CPM: variants seen among roughly 807,000 people sequenced by gnomAD.
CPM encodes the protein carboxypeptidase M.
Under a neutral mutation model 46.4 loss-of-function variants are expected in CPM, and 35 were observed. The ratio of observed to expected loss-of-function variants is 0.75; its 90% CI spans 0.58 to 1.00. The LOEUF is 1.00. CPM is among the 50% of genes least tolerant of loss of function. The probability of loss-of-function intolerance (pLI) is 0.00; values close to 1 mark genes in which losing one functional copy is unlikely to be tolerated. For missense variants in CPM, 422 were observed against 530.4 expected, an observed-to-expected ratio of 0.80 and a Z score of 2.01; for synonymous variants, 195 against 195.3, an observed-to-expected ratio of 1.00 and a Z score of 0.01.
intron 2 of CPM, among the ~76,000 whole-genome samples, chr12:68,922,377 C>T (rs1249230272): frequency 7.2e-5 from 11 of 152,128 alleles, no homozygotes; most frequent in Admixed American, 6.5e-5. Flanking sequence ...CTAGTTTTCA[C>T]GGATTTGCAT....
chr12:68,905,263 G>C (rs1173803865), intron 2 of CPM, among the ~76,000 whole-genome samples: 2 of 151,884 alleles, frequency 1.3e-5, no homozygotes, highest in Non-Finnish European at 2.9e-5. Flanking sequence ...GAAGGATTCA[G>C]AGAAATCTTT....
chr12:68,917,814 A>G (rs1331025228), intron 2 of CPM, among the ~76,000 whole-genome samples: 4 of 152,182 alleles, frequency 2.6e-5, no homozygotes, highest in East Asian at 1.9e-4. Context: ...TCCCTTGACC[A>G]GCTCTGAACC....
chr12:68,943,395 T>C (rs959410025), intron 1 of CPM, among the ~76,000 whole-genome samples: 1 of 152,198 alleles, frequency 6.6e-6, no homozygotes, highest in Non-Finnish European at 1.5e-5. Flanking sequence ...TTCATTTTTA[T>C]TATTATTACC....
chr12:68,961,920 G>A (rs759886851), intron 1 of CPM, among the ~76,000 whole-genome samples: 1 of 152,054 alleles, frequency 6.6e-6, no homozygotes, highest in African/African-American at 2.4e-5. Context: ...GGTAATAATG[G>A]CCGGGCGTGG....
chr12:68,910,222 A>C (rs547107305), intron 2 of CPM, among the ~76,000 whole-genome samples: 1 of 152,336 alleles, frequency 6.6e-6, no homozygotes, highest in East Asian at 1.9e-4. Context: ...ATGACTAAAT[A>C]AACTAAGATA....
intron 5 of CPM, chr12:68,844,789 C>T (rs771996794): frequency 1.0e-5 from 2 of 200,656 alleles, no homozygotes; most frequent in Non-Finnish European, 2.0e-5. Flanking sequence ...TTTTTTGAGA[C>T]GGAGTCTTGC....
chr12:68,860,861 T>C (rs984755784), intron 7 of CPM, among the ~76,000 whole-genome samples: 10 of 152,000 alleles, frequency 6.6e-5, no homozygotes, highest in African/African-American at 2.4e-4. Flanking sequence ...TCAACAAACA[T>C]TAATTCTTGC....
chr12:68,961,933 G>T (rs1013045648), intron 1 of CPM, among the ~76,000 whole-genome samples: 7 of 152,092 alleles, frequency 4.6e-5, no homozygotes, highest in Admixed American at 4.6e-4. Flanking sequence ...GGGCGTGGTG[G>T]CTCATGTCTG....
chr12:68,895,337 C>T (rs188253145), intron 2 of CPM, among the ~76,000 whole-genome samples: 4 of 152,234 alleles, frequency 2.6e-5, no homozygotes, highest in South Asian at 4.2e-4. Context: ...ATCTCCTTTC[C>T]CTCTGACATA....
Position 68,869,429 on chromosome 12 carries a change from G to C in CPM, c.683C>G (p.Thr228Ser). Residue 228 changes from threonine to serine, a missense_variant, in exon 6 of 9, where the codon ACC becomes AGC. Coordinates refer to ENST00000551568, the MANE Select transcript of CPM (RefSeq NM_198320.5). Reference sequence around the variant, plus strand: ...CATGTTGGGATTTCTTGAAGCATAGGTATGTGCAAGATATTGAAAAACATC... The same window carrying C: ...CATGTTGGGATTTCTTGAAGCATAGCTATGTGCAAGATATTGAAAAACATC... ...DDDVFQYLAH[T>S]YASRNPNMKK... The C allele has an allele frequency of 1.9e-6, 3 of 1,614,024 alleles. No individual in the cohort carries two copies. Among genetic ancestry groups the C allele is most frequent in the Non-Finnish European group, 2.5e-6 (3 of 1,179,966 alleles).
In CPM at chr12:68,865,618, C is replaced by CCACA. The variant is rs144954850; in HGVS notation, c.940+1274_940+1277dup. Among the ~76,000 whole-genome samples, 189 of 150,988 alleles carry CCACA rather than the reference C, an allele frequency of 1.3e-3. No individual in the cohort carries two copies. The Middle Eastern group carries it at 0.021, about 17-fold the overall frequency. On this transcript the variant is annotated intron_variant, in intron 7 of 8. Transcript: ENST00000551568. ...AAACCTTTTCAACACCCACACACAC[C>CCACA]CACACACACACACACTCACACTCTC...
At chr12:68,881,813 T>G (rs1886202549) in intron 3 of CPM, among the ~76,000 whole-genome samples, 1 of 151,622 alleles carries the variant, frequency 6.6e-6, no homozygotes, top group African/African-American at 2.4e-5. Context: ...CTCTGCCTTC[T>G]GGGTTCAAGT....
chr12:68,895,364 G>C (rs868132502), intron 2 of CPM, among the ~76,000 whole-genome samples: 1 of 152,204 alleles, frequency 6.6e-6, no homozygotes, highest in Non-Finnish European at 1.5e-5. Flanking sequence ...GCAATGATTG[G>C]ATAGAGGGTG....
At chr12:68,926,794 A>G (rs979782519) in intron 2 of CPM, among the ~76,000 whole-genome samples, 1 of 151,838 alleles carries the variant, frequency 6.6e-6, no homozygotes, top group African/African-American at 2.4e-5. Flanking sequence ...ATTCCCACCT[A>G]TGAGTGAGAA....
intron 2 of CPM, among the ~76,000 whole-genome samples, chr12:68,903,247 T>C (rs1887190840): frequency 6.6e-6 from 1 of 152,254 alleles, no homozygotes; most frequent in African/African-American, 2.4e-5. Flanking sequence ...CTGAAGACAG[T>C]AGCTTTAAAA....
Position 68,894,773 on chromosome 12 carries a change from G to A in CPM, c.161-8884C>T, listed in dbSNP as rs140763443. Among the ~76,000 whole-genome samples the A allele has an allele frequency of 6.8e-3, 1,035 of 152,190 alleles. 16 individuals are homozygous for A. Among genetic ancestry groups the A allele is most frequent in the African/African-American group, 0.023 (970 of 41,520 alleles). On this transcript the variant is annotated intron_variant, in intron 2 of 8. Coordinates refer to ENST00000551568, the MANE Select transcript of CPM (RefSeq NM_198320.5). The stretch of plus-strand genomic sequence containing the variant: ...GTCACGGCCAGGTGTGGTGGCTCAT[G>A]CCTGTAATCCCAGCACTTTGGAAGA...
chr12:68,864,908 TG>T (rs1311989225), intron 7 of CPM, among the ~76,000 whole-genome samples: 2 of 152,130 alleles, frequency 1.3e-5, no homozygotes, highest in African/African-American at 4.8e-5. Flanking sequence ...CCTACTTACT[TG>T]GGACACTGAG....
At chr12:68,919,084 C>T (rs1367101277) in intron 2 of CPM, among the ~76,000 whole-genome samples, 3 of 152,230 alleles carry the variant, frequency 2.0e-5, no homozygotes, top group Non-Finnish European at 2.9e-5. Context: ...TTGCACATCA[C>T]TTGCACTTTG....
intron 8 of CPM, among the ~76,000 whole-genome samples, chr12:68,856,928 C>G (rs531609733): frequency 3.0e-4 from 46 of 152,302 alleles, no homozygotes; most frequent in African/African-American, 1.1e-3. Context: ...GGTACCTCAT[C>G]TGGCAATGTA....
Sources: allele counts gnomAD v4.1 joint callset (sites outside exome capture counted in the v4.1 genomes callset), GRCh38; gene constraint gnomAD v4.1.1; transcripts MANE v1.5; gene names NCBI Gene and HGNC (gene_info 2026-07-23, HGNC 2026-07-21).